TYW1: variants seen among roughly 807,000 people sequenced by gnomAD.
TYW1 encodes tRNA-yW synthesizing protein 1 homolog.
In TYW1, 46 loss-of-function variants were observed where a neutral mutation model predicts 96.2. The observed-to-expected ratio is 0.48, with a 90% CI of 0.38 to 0.61. The LOEUF is 0.61. TYW1 is among the 20% of genes least tolerant of loss of function. The pLI is 0.00. For synonymous variants in TYW1, 274 were observed against 323.0 expected, an observed-to-expected ratio of 0.85 and a Z score of 1.63; for missense variants, 684 against 909.6, an observed-to-expected ratio of 0.75 and a Z score of 3.19.
In TYW1 at chr7:67,082,323, G is replaced by A. The variant is rs183411053; in HGVS notation, c.1275-1107G>A. 2.1e-4 allele frequency among the ~76,000 whole-genome samples: 32 copies of A among 152,258 alleles called. 1 individual carries two copies. Among genetic ancestry groups the A allele is most frequent in the African/African-American group, 7.7e-4 (32 of 41,550 alleles). On this transcript the variant is annotated intron_variant, in intron 10 of 15. Transcript: ENST00000359626. The stretch of plus-strand genomic sequence containing the variant: ...TTTTATAGTGTTGGTTGAGTGGGGT[G>A]CTTTGACTTGTCCTCTAGACGGGTA...
intron 6 of TYW1, among the ~76,000 whole-genome samples, chr7:67,019,139 G>A (rs537667857): frequency 3.5e-4 from 54 of 152,212 alleles, no homozygotes; most frequent in African/African-American, 1.1e-3. Flanking sequence ...AGCCTTCCCC[G>A]TGTCTGCTGC....
intron 1 of TYW1, 97 bp downstream of exon 1, chr7:66,997,079 C>T: frequency 6.3e-7 from 1 of 1,586,644 alleles, no homozygotes; most frequent in Non-Finnish European, 8.6e-7. Flanking sequence ...CGGTCCCTTT[C>T]CTTCGGAGAC....
intron 10 of TYW1, among the ~76,000 whole-genome samples, chr7:67,075,199 T>C (rs1796163894): frequency 6.6e-6 from 1 of 152,220 alleles, no homozygotes; most frequent in African/African-American, 2.4e-5. Flanking sequence ...GGTATTTTTA[T>C]GTATGTATAG....
intron 3 of TYW1, among the ~76,000 whole-genome samples, chr7:67,004,607 C>T (rs1228185864): frequency 1.3e-5 from 2 of 152,160 alleles, no homozygotes; most frequent in Non-Finnish European, 2.9e-5. Flanking sequence ...AACAATTTTT[C>T]CTTTACATAG....
At chr7:67,197,370 G>C (rs1301358513) in intron 15 of TYW1, among the ~76,000 whole-genome samples, 1 of 151,108 alleles carries the variant, frequency 6.6e-6, no homozygotes, top group Non-Finnish European at 1.5e-5. Context: ...CTGTTGCACA[G>C]GCTGGAGTGC....
intron 8 of TYW1, among the ~76,000 whole-genome samples, chr7:67,051,684 C>A (rs1253772057): frequency 6.7e-6 from 1 of 149,762 alleles, no homozygotes; most frequent in Non-Finnish European, 1.5e-5. Context: ...ATCTGTGTTC[C>A]GTCTGGTATC....
At chr7:67,210,205 G>A (rs1328265946) in intron 15 of TYW1, among the ~76,000 whole-genome samples, 1 of 152,120 alleles carries the variant, frequency 6.6e-6, no homozygotes, top group Non-Finnish European at 1.5e-5. Flanking sequence ...GCTTTGAGGG[G>A]TACTCGAGGG....
At chr7:67,067,466 C>T in intron 10 of TYW1, 63 bp downstream of exon 10, 1 of 1,578,394 alleles carries the variant, frequency 6.3e-7, no homozygotes, top group Non-Finnish European at 8.7e-7. Flanking sequence ...TCAATCTGCC[C>T]AGCTCACACT....
intron 15 of TYW1, among the ~76,000 whole-genome samples, chr7:67,220,369 A>T (rs1801349196): frequency 1.3e-5 from 2 of 151,234 alleles, no homozygotes; most frequent in Admixed American, 1.3e-4. Flanking sequence ...ATGCCTGGCT[A>T]ATTTTTTGTA....
intron 13 of TYW1, among the ~76,000 whole-genome samples, chr7:67,130,897 T>G (rs1798052408): frequency 6.6e-6 from 1 of 152,186 alleles, no homozygotes. Context: ...TTGGTGTGAC[T>G]GCTTATTTAA....
chr7:67,091,171 C>G (rs749446884), intron 11 of TYW1, among the ~76,000 whole-genome samples: 62 of 151,970 alleles, frequency 4.1e-4, no homozygotes, highest in Non-Finnish European at 5.9e-4. Flanking sequence ...ACCCAAGTGT[C>G]CATCAATGAT....
intron 15 of TYW1, among the ~76,000 whole-genome samples, chr7:67,200,699 A>C (rs1322889250): frequency 6.6e-6 from 1 of 152,160 alleles, no homozygotes; most frequent in Non-Finnish European, 1.5e-5. Flanking sequence ...TCAACAAAAA[A>C]AGTGCTGAGA....
At chr7:67,064,119 A>G (rs549480774) in intron 9 of TYW1, among the ~76,000 whole-genome samples, 25 of 152,336 alleles carry the variant, frequency 1.6e-4, no homozygotes, top group African/African-American at 5.3e-4. Flanking sequence ...TAAACTGTCA[A>G]TTCTCCCCAA....
chr7:67,237,964 C>T (rs1361157299), intron 15 of TYW1, among the ~76,000 whole-genome samples: 6 of 151,988 alleles, frequency 3.9e-5, no homozygotes, highest in Non-Finnish European at 8.8e-5. Flanking sequence ...CGATCAAAAG[C>T]AGCAACAGCA....
intron 13 of TYW1, among the ~76,000 whole-genome samples, chr7:67,176,280 T>C (rs1338873314): frequency 6.6e-6 from 1 of 152,188 alleles, no homozygotes; most frequent in Non-Finnish European, 1.5e-5. Context: ...TAAATAAAGG[T>C]AATTATTTTG....
chr7:67,137,848 T>C (rs1798315174), intron 13 of TYW1, among the ~76,000 whole-genome samples: 1 of 152,214 alleles, frequency 6.6e-6, no homozygotes, highest in African/African-American at 2.4e-5. Context: ...GCTTAGTAAG[T>C]GTTTCTCTAA....
intron 13 of TYW1, among the ~76,000 whole-genome samples, chr7:67,123,027 G>T (rs1449524893): frequency 6.6e-6 from 1 of 152,138 alleles, no homozygotes; most frequent in East Asian, 1.9e-4. Flanking sequence ...AGAGTTTCTT[G>T]TAGTCAATGA....
chr7:67,138,146 G>T (rs577920635), intron 13 of TYW1, among the ~76,000 whole-genome samples: 4 of 152,128 alleles, frequency 2.6e-5, no homozygotes, highest in Non-Finnish European at 5.9e-5. Flanking sequence ...CCCCTGTGAA[G>T]CCTAGGCAGT....
At chr7:67,110,405 G>C (rs2421428) in intron 12 of TYW1, among the ~76,000 whole-genome samples, 2 of 152,228 alleles carry the variant, frequency 1.3e-5, no homozygotes, top group South Asian at 4.1e-4. Flanking sequence ...GGTGATGAAG[G>C]CATCCCCTAA....
Sources: allele counts gnomAD v4.1 joint callset (sites outside exome capture counted in the v4.1 genomes callset), GRCh38; gene constraint gnomAD v4.1.1; transcripts MANE v1.5; gene names NCBI Gene and HGNC (gene_info 2026-07-23, HGNC 2026-07-21).